The following ST3GAL4 variants were observed in gnomAD, a reference collection of about 807,000 sequenced individuals.
ST3GAL4 encodes CMP-N-acetylneuraminate-beta-galactosamide-alpha-2,3-sialyltransferase 4.
ST3GAL4 carries 24 observed loss-of-function variants against 42.6 expected under a neutral mutation model. That is an observed-to-expected ratio of 0.56 (90% CI 0.41 to 0.79). The LOEUF is 0.79. ST3GAL4 is among the 30% of genes least tolerant of loss of function. The probability of loss-of-function intolerance (pLI) is 0.00; values close to 1 mark genes in which losing one functional copy is unlikely to be tolerated. For missense variants in ST3GAL4, 311 were observed against 430.8 expected (o/e 0.72, Z 2.46); for synonymous variants, 135 against 163.2 (o/e 0.83, Z 1.32).
chr11:126,407,229 A>C, intron 4 of ST3GAL4, 23 bp from the exon 5 acceptor site: 1 of 1,612,544 alleles, frequency 6.2e-7, no homozygotes, highest in Non-Finnish European at 8.5e-7. Flanking sequence ...TCTCATCCCC[A>C]CCCGGCTTTC....
At position 126,406,657 on chromosome 11, in the gene ST3GAL4, C is replaced by G; in HGVS notation, c.101+100C>G. On this transcript the variant is annotated intron_variant, in intron 3 of 10. Coordinates refer to ENST00000444328, the MANE Select transcript of ST3GAL4 (RefSeq NM_001254757.2). The surrounding 1 kb of genome is among the most constrained non-coding windows in gnomAD (Gnocchi z 5.4). ...GGGACCTAGTAGGGCAGGAAGGTTC[C>G]AAGAGCCGGCACATGACCTCATCCC... The G allele has an allele frequency of 7.1e-7, 1 of 1,398,862 alleles. No individual in the cohort carries two copies. The highest frequency in any genetic ancestry group is 9.6e-7 in the Non-Finnish European group (1 of 1,043,422). 86.7% of individuals were successfully genotyped at this position (1,398,862 alleles called of 1,614,324 possible). A position where few individuals can be genotyped will look rare whatever the true frequency, so the allele number is the denominator to read the frequency against.
Position 126,413,987 on chromosome 11 carries a change from G to A in ST3GAL4, c.942G>A (p.Glu314=). The A allele has an allele frequency of 6.2e-7, 1 of 1,614,246 alleles. No individual in the cohort carries two copies. Among genetic ancestry groups the A allele is most frequent in the African/African-American group, 1.3e-5 (1 of 75,068 alleles). Residue 314 remains glutamate (E), a synonymous_variant, in exon 11 of 11, where the codon GAG becomes GAA. Coordinates refer to ENST00000444328, the MANE Select transcript of ST3GAL4 (RefSeq NM_001254757.2). ...MAGSGHNVSQ[E]ALAIKRMLEM... is the part of the protein sequence containing the mutation. Reference sequence around the variant, plus strand: ...GGTCAGGCCATAATGTCTCCCAAGAGGCCCTGGCCATTAAGCGGATGCTGG... The same window carrying A: ...GGTCAGGCCATAATGTCTCCCAAGAAGCCCTGGCCATTAAGCGGATGCTGG...
Position 126,409,474 on chromosome 11 carries a change from T to A in ST3GAL4, c.771+63T>A. On this transcript the variant is annotated intron_variant, in intron 9 of 10. Coordinates refer to ENST00000444328, the MANE Select transcript of ST3GAL4 (RefSeq NM_001254757.2). This position sits in a 1 kb window ranked among gnomAD's most constrained non-coding sequence, Gnocchi z 4.9. Reference sequence around the variant, plus strand: ...GGGCGGGAAGTAGGAGGGATGATCCTATGGGCTTAGGAAGCCCTGGAAGGA... The same window carrying A: ...GGGCGGGAAGTAGGAGGGATGATCCAATGGGCTTAGGAAGCCCTGGAAGGA... The A allele has an allele frequency of 6.2e-7, 1 of 1,607,670 alleles. No homozygotes were observed. The highest frequency in any genetic ancestry group is 1.1e-5 in the South Asian group (1 of 90,684).
intron 1 of ST3GAL4, among the ~76,000 whole-genome samples, chr11:126,399,472 T>A (rs1015829875): frequency 3.3e-5 from 5 of 151,702 alleles, no homozygotes; most frequent in Non-Finnish European, 5.9e-5. Context: ...ACCCAGCTAA[T>A]TTTTTTGTAT....
At position 126,386,197 on chromosome 11, in the gene ST3GAL4, ACT is replaced by A. The variant is rs1488458269; in HGVS notation, c.-60-19894_-60-19893del. Among the ~76,000 whole-genome samples the A allele has an allele frequency of 6.6e-6, 1 of 150,942 alleles. No homozygotes were observed. The highest frequency in any genetic ancestry group is 2.0e-4 in the East Asian group (1 of 5,124). ...CAGTGGCCAAGGGCTGGTGGCCCTC[ACT>A]CTCTGCCCCTGTGCCCTGTGTTAGT... On this transcript the variant is annotated intron_variant, in intron 1 of 10. Transcript: ENST00000444328. The surrounding 1 kb of genome is among the most constrained non-coding windows in gnomAD (Gnocchi z 4.7).
At chr11:126,403,271 G>C in intron 1 of ST3GAL4, 1 of 579,498 alleles carries the variant, frequency 1.7e-6, no homozygotes, top group Non-Finnish European at 2.2e-6. Flanking sequence ...AGACAATGTA[G>C]AACTTTACTG....
At chr11:126,412,595 G>A (rs1179148490) in intron 9 of ST3GAL4, among the ~76,000 whole-genome samples, 5 of 152,140 alleles carry the variant, frequency 3.3e-5, no homozygotes, top group African/African-American at 9.7e-5. Flanking sequence ...TAATCCCAGC[G>A]CTTTGGGAGG....
chr11:126,387,934 G>T (rs1953293651), intron 1 of ST3GAL4, among the ~76,000 whole-genome samples: 1 of 152,218 alleles, frequency 6.6e-6, no homozygotes, highest in Non-Finnish European at 1.5e-5. Context: ...ATGTTTTGGA[G>T]ATTAGACGAT....
In ST3GAL4 at chr11:126,376,049, C is replaced by A. The variant is rs913298994; in HGVS notation, c.-61+20207C>A. The stretch of plus-strand genomic sequence containing the variant: ...CACATTCTTGGCAGTTTAATAGAAT[C>A]TAGAGATATAAAGAAGTTCCTGACC... On this transcript the variant is annotated intron_variant, in intron 1 of 10. Coordinates refer to ENST00000444328, the MANE Select transcript of ST3GAL4 (RefSeq NM_001254757.2). The surrounding 1 kb of genome is among the most constrained non-coding windows in gnomAD (Gnocchi z 5.1). Among the ~76,000 whole-genome samples, 1 of 152,032 alleles carries A rather than the reference C, an allele frequency of 6.6e-6. No individual in the cohort carries two copies. The highest frequency in any genetic ancestry group is 1.5e-5 in the Non-Finnish European group (1 of 68,016).
intron 1 of ST3GAL4, among the ~76,000 whole-genome samples, chr11:126,381,787 C>T (rs1433328412): frequency 1.3e-5 from 2 of 151,878 alleles, no homozygotes; most frequent in South Asian, 2.1e-4. Flanking sequence ...GTTCCTTGGC[C>T]GCAGCCTGTA....
At chr11:126,413,363 G>A (rs773727249) in intron 9 of ST3GAL4, 142 bp from the exon 10 acceptor site, 5 of 1,008,104 alleles carry the variant, frequency 5.0e-6, no homozygotes, top group East Asian at 2.7e-5. Flanking sequence ...TTGCGTGCTC[G>A]TTAGCTCGTG....
In ST3GAL4 at chr11:126,379,430, A is replaced by G. The variant is rs993710080; in HGVS notation, c.-61+23588A>G. ...CTGTGTCTATTTCATGATATCATCT[A>G]CTTTTATGGAAGGATTTCTCTTGGG... On this transcript the variant is annotated intron_variant, in intron 1 of 10. Coordinates refer to ENST00000444328, the MANE Select transcript of ST3GAL4 (RefSeq NM_001254757.2). This position sits in a 1 kb window ranked among gnomAD's most constrained non-coding sequence, Gnocchi z 4.2. Among the ~76,000 whole-genome samples, 1 of 152,112 alleles carries G rather than the reference A, an allele frequency of 6.6e-6. No individual in the cohort carries two copies. Among genetic ancestry groups the G allele is most frequent in the Non-Finnish European group, 1.5e-5 (1 of 68,008 alleles).
At chr11:126,387,509 C>T (rs1953274223) in intron 1 of ST3GAL4, among the ~76,000 whole-genome samples, 2 of 151,992 alleles carry the variant, frequency 1.3e-5, no homozygotes, top group South Asian at 4.2e-4. Flanking sequence ...GAGACCCCAT[C>T]TCTCCAACAT....
In ST3GAL4 at chr11:126,363,326, T is replaced by A. The variant is rs1449396419; in HGVS notation, c.-61+7484T>A. Among the ~76,000 whole-genome samples, 1 of 152,198 alleles carries A rather than the reference T, an allele frequency of 6.6e-6. No individual in the cohort carries two copies. Among genetic ancestry groups the A allele is most frequent in the Admixed American group, 6.5e-5 (1 of 15,284 alleles). On this transcript the variant is annotated intron_variant, in intron 1 of 10. Coordinates refer to ENST00000444328, the MANE Select transcript of ST3GAL4 (RefSeq NM_001254757.2). This position sits in a 1 kb window ranked among gnomAD's most constrained non-coding sequence, Gnocchi z 4.6. ...CTTCCTTTCTGCCTCCTCTGCATTC[T>A]CTCCTTGCCCTTGCTTCTCTGATCT...
chr11:126,360,329 A>G (rs1952203933), intron 1 of ST3GAL4, among the ~76,000 whole-genome samples: 2 of 152,216 alleles, frequency 1.3e-5, no homozygotes, highest in East Asian at 3.8e-4. Context: ...TGACTTGCTC[A>G]TGACTGTGGG....
In ST3GAL4 at chr11:126,379,984, G is replaced by C. The variant is rs567537315; in HGVS notation, c.-61+24142G>C. 6.6e-6 allele frequency among the ~76,000 whole-genome samples: 1 copy of C among 152,188 alleles called. No individual in the cohort carries two copies. Among genetic ancestry groups the C allele is most frequent in the East Asian group, 1.9e-4 (1 of 5,164 alleles). ...TTTTACAAAAGAGCTAGTCTCGGCCGGGCACAGTGACTTGCGCCTGTAATG... is the reference window on the plus strand; with the variant it reads ...TTTTACAAAAGAGCTAGTCTCGGCCCGGCACAGTGACTTGCGCCTGTAATG... On this transcript the variant is annotated intron_variant, in intron 1 of 10. Coordinates refer to ENST00000444328, the MANE Select transcript of ST3GAL4 (RefSeq NM_001254757.2). The surrounding 1 kb of genome is among the most constrained non-coding windows in gnomAD (Gnocchi z 4.2).
intron 1 of ST3GAL4, among the ~76,000 whole-genome samples, chr11:126,362,215 T>TTTA (rs1555080379): frequency 7.1e-6 from 1 of 141,504 alleles, no homozygotes. Flanking sequence ...TTTTTTTTTT[T>TTTA]AAGACGGAGT....
At chr11:126,377,945 T>G (rs959356829) in intron 1 of ST3GAL4, among the ~76,000 whole-genome samples, 1 of 152,214 alleles carries the variant, frequency 6.6e-6, no homozygotes, top group African/African-American at 2.4e-5. Flanking sequence ...GGTAAAATAT[T>G]AATTGATTTT....
Position 126,388,623 on chromosome 11 carries a change from C to T in ST3GAL4, c.-60-17473C>T, listed in dbSNP as rs141633086. On this transcript the variant is annotated intron_variant, in intron 1 of 10. Transcript: ENST00000444328. ...CTGGGATAATAGGTGTGAGCCACTG[C>T]GCCTGGCCCTTTGCCTATTTTTAAA... Among the ~76,000 whole-genome samples, 44 of 144,970 alleles carry T rather than the reference C, an allele frequency of 3.0e-4. No individual in the cohort carries two copies. In the East Asian group the frequency reaches 5.2e-3, roughly 17 times the overall value.
Sources: allele counts gnomAD v4.1 joint callset (sites outside exome capture counted in the v4.1 genomes callset), GRCh38; gene constraint gnomAD v4.1.1; non-coding constraint Gnocchi (gnomAD v3.1); transcripts MANE v1.5; gene names NCBI Gene and HGNC (gene_info 2026-07-23, HGNC 2026-07-21).